Variants in PCNX2 observed in about 807,000 individuals in gnomAD.
PCNX2 encodes the protein pecanex 2.
A neutral mutation model predicts 223.8 loss-of-function variants in PCNX2; 168 were observed. That is an observed-to-expected ratio of 0.75 (90% CI 0.66 to 0.85). The LOEUF (loss-of-function observed/expected upper bound fraction) is 0.85. Among genes scored for constraint, PCNX2 ranks in the 40% least tolerant of loss-of-function variants. The pLI is 0.00. For missense variants in PCNX2, 2,507 were observed against 2,675.5 expected, an observed-to-expected ratio of 0.94 and a Z score of 1.39; for synonymous variants, 1,006 against 1,052.6, an observed-to-expected ratio of 0.96 and a Z score of 0.86.
At chr1:233,007,563 AGT>A (rs1670327997) in intron 28 of PCNX2, among the ~76,000 whole-genome samples, 1 of 152,032 alleles carries the variant, frequency 6.6e-6, no homozygotes, top group African/African-American at 2.4e-5. Context: ...TTTGAGACGG[AGT>A]CTCTCTCTGT....
chr1:232,998,302 T>G lies in PCNX2; in HGVS notation c.5740A>C (p.Lys1914Gln). The change falls in exon 32 of 34, where the codon AAA (lysine) becomes CAA (glutamine). Residue 1914 changes from lysine (K) to glutamine (Q), a missense_variant. Around this residue, in one of 3 missense-constraint regions of PCNX2, gnomAD observed 1,372 missense variants for 1,509.4 expected, o/e 0.91. Transcript: ENST00000258229. ...SQESSAEQPR[K>Q]GGAQHGVSSC... ...GACACCCCGTGCTGAGCACCGCCTT[T>G]TCTGGGCTGTTCTGCGCTGCTCTCC... The G allele has an allele frequency of 6.2e-7, 1 of 1,610,080 alleles. No individual in the cohort carries two copies. Among genetic ancestry groups the G allele is most frequent in the Non-Finnish European group, 8.5e-7 (1 of 1,178,102 alleles).
chr1:233,128,357 C>A (rs979246906), intron 21 of PCNX2, among the ~76,000 whole-genome samples: 1 of 151,742 alleles, frequency 6.6e-6, no homozygotes, highest in African/African-American at 2.4e-5. Flanking sequence ...TTTTTTGAGA[C>A]AGAGTCGTGC....
intron 20 of PCNX2, among the ~76,000 whole-genome samples, chr1:233,135,766 A>G (rs555929874): frequency 4.6e-5 from 7 of 152,350 alleles, no homozygotes; most frequent in African/African-American, 1.4e-4. Context: ...TTAACTTCCA[A>G]TGTTTCTCAG....
At chr1:233,168,200 TA>T (rs1678914845) in intron 17 of PCNX2, among the ~76,000 whole-genome samples, 1 of 152,076 alleles carries the variant, frequency 6.6e-6, no homozygotes, top group South Asian at 2.1e-4. Flanking sequence ...AGTTTCCCAT[TA>T]TAGAATAACA....
intron 21 of PCNX2, among the ~76,000 whole-genome samples, chr1:233,130,302 C>T (rs902700161): frequency 1.3e-5 from 2 of 152,046 alleles, no homozygotes; most frequent in Non-Finnish European, 2.9e-5. Context: ...CACTCCTACC[C>T]CCTCAACCCC....
At chr1:233,170,434 A>G (rs1350095197) in intron 17 of PCNX2, among the ~76,000 whole-genome samples, 3 of 152,106 alleles carry the variant, frequency 2.0e-5, no homozygotes, top group African/African-American at 7.2e-5. Context: ...TTGGCCATTT[A>G]TATTTCCTCA....
intron 17 of PCNX2, among the ~76,000 whole-genome samples, chr1:233,168,705 A>G (rs573567614): frequency 6.6e-6 from 1 of 152,210 alleles, no homozygotes; most frequent in Non-Finnish European, 1.5e-5. Flanking sequence ...TTTTGAATTA[A>G]TTTCCTAGAA....
intron 8 of PCNX2, among the ~76,000 whole-genome samples, chr1:233,248,551 A>T (rs552318984): frequency 6.6e-6 from 1 of 152,168 alleles, no homozygotes; most frequent in Admixed American, 6.5e-5. Context: ...CAGGAGAGCG[A>T]TGGAAATGGC....
At chr1:233,081,294 C>T (rs532018955) in intron 23 of PCNX2, among the ~76,000 whole-genome samples, 12 of 152,140 alleles carry the variant, frequency 7.9e-5, no homozygotes, top group African/African-American at 2.4e-4. Context: ...TGTAGTGAGC[C>T]GAGATCACGC....
rs1673636758 is a variant in PCNX2 at position 233,086,986 on chromosome 1, G to C, written c.4076+3075C>G. 13 of 973,216 alleles carry C rather than the reference G, an allele frequency of 1.3e-5. No individual in the cohort carries two copies. In the South Asian group the frequency reaches 1.9e-4, roughly 14 times the overall value. The allele number at this position is 973,216 out of a possible 1,614,324, so 60.3% of individuals were successfully genotyped here. ...GAGTAGCAAGCAGGTTAGTTAGGAG[G>C]CTAGGGTAAAAAGGCAGACAGGGGA... On this transcript the variant is annotated intron_variant, in intron 23 of 33. Coordinates refer to ENST00000258229, the MANE Select transcript of PCNX2 (RefSeq NM_014801.4).
chr1:233,112,950 TG>T (rs1400062764), intron 21 of PCNX2: 3 of 1,289,326 alleles, frequency 2.3e-6, no homozygotes, highest in South Asian at 2.5e-5. Context: ...TCATCCTCTT[TG>T]TGTGTGGGTG....
chr1:233,272,448 A>T (rs903322801), intron 1 of PCNX2, among the ~76,000 whole-genome samples: 2 of 152,204 alleles, frequency 1.3e-5, no homozygotes, highest in Admixed American at 1.3e-4. Context: ...ATGCAATGCC[A>T]CCTTACTCCT....
chr1:233,108,143 C>G (rs1674906066), intron 21 of PCNX2, among the ~76,000 whole-genome samples: 1 of 152,224 alleles, frequency 6.6e-6, no homozygotes, highest in African/African-American at 2.4e-5. Context: ...CAGCAGCCTT[C>G]TGGGCTGCGT....
At chr1:233,302,098 C>A in the PCNX2 span, among the ~76,000 whole-genome samples, 1 of 151,872 alleles carries the variant, frequency 6.6e-6, no homozygotes, top group Non-Finnish European at 1.5e-5. Context: ...CAGCCAAGAA[C>A]AAGCAATTGA....
intron 9 of PCNX2, among the ~76,000 whole-genome samples, chr1:233,233,852 C>A (rs1291199256): frequency 6.6e-6 from 1 of 152,014 alleles, no homozygotes; most frequent in Non-Finnish European, 1.5e-5. Context: ...ACTGAGCACA[C>A]CTGCTTTCAG....
At chr1:233,085,215 C>A (rs1267645871) in intron 23 of PCNX2, among the ~76,000 whole-genome samples, 1 of 151,968 alleles carries the variant, frequency 6.6e-6, no homozygotes, top group African/African-American at 2.4e-5. Context: ...CCTCTGTAAT[C>A]CCAGCTACTC....
chr1:233,190,871 T>C (rs905921913), intron 15 of PCNX2, among the ~76,000 whole-genome samples: 5 of 152,222 alleles, frequency 3.3e-5, no homozygotes, highest in Admixed American at 6.5e-5. Context: ...GTTTATCTCT[T>C]GGGCTGGCTC....
intron 25 of PCNX2, among the ~76,000 whole-genome samples, chr1:233,044,174 T>A (rs1671745367): frequency 6.6e-6 from 1 of 152,222 alleles, no homozygotes; most frequent in African/African-American, 2.4e-5. Context: ...GTGAGCATTT[T>A]TTCATGTGTT....
At position 233,259,129 on chromosome 1, in the gene PCNX2, C is replaced by T. The variant is rs1259682361; in HGVS notation, c.733G>A (p.Gly245Ser). The change falls in exon 5 of 34, where the codon GGT (glycine) becomes AGT (serine). Residue 245 changes from glycine (G) to serine (S), a missense_variant. Gly to Ser is a moderately conservative substitution (Grantham distance 56, BLOSUM62 0). Around this residue, in one of 3 missense-constraint regions of PCNX2, gnomAD observed 1,031 missense variants for 1,021.7 expected, o/e 1.01. Transcript: ENST00000258229. ...GQPPLRHRSE[G>S]GLVDKGPLKK... is the part of the protein sequence containing the mutation. ...AAGGGTCCCTTATCCACTAAGCCAC[C>T]CTCGGATCTGTGGCGCAAAGGAGGC... 1 of 1,613,974 alleles carries T rather than the reference C, an allele frequency of 6.2e-7. No individual in the cohort carries two copies.
Sources: allele counts gnomAD v4.1 joint callset (sites outside exome capture counted in the v4.1 genomes callset), GRCh38; gene constraint gnomAD v4.1.1; regional missense constraint gnomAD v4.1.1; transcripts MANE v1.5; gene names NCBI Gene and HGNC (gene_info 2026-07-23, HGNC 2026-07-21).